The following AGBL4 variants were observed in gnomAD, a reference collection of about 807,000 sequenced individuals.
AGBL4 encodes AGBL carboxypeptidase 4.
In AGBL4, 58 loss-of-function variants were observed where a neutral mutation model predicts 66.4. That is an observed-to-expected ratio of 0.87 (90% CI 0.71 to 1.09). AGBL4 has a LOEUF of 1.09. Ranked by LOEUF, AGBL4 falls within the 50% of genes least tolerant of loss-of-function variation. The pLI is 0.00. For missense variants in AGBL4, 579 were observed against 631.0 expected (o/e 0.92, Z 0.88); for synonymous variants, 234 against 222.9 (o/e 1.05, Z -0.44).
At chr1:49,613,565 AG>A (rs1006297843) in intron 3 of AGBL4, among the ~76,000 whole-genome samples, 2 of 152,194 alleles carry the variant, frequency 1.3e-5, no homozygotes, top group African/African-American at 4.8e-5. Flanking sequence ...AGATTCTCAT[AG>A]GAGTACAAAC....
intron 4 of AGBL4, among the ~76,000 whole-genome samples, chr1:49,122,100 C>A (rs141569869): frequency 1.7e-3 from 261 of 152,332 alleles, no homozygotes; most frequent in Admixed American, 3.5e-3. Context: ...TCCCATTTTT[C>A]CAGGTACACA....
At chr1:48,794,727 G>T (rs566992935) in intron 6 of AGBL4, among the ~76,000 whole-genome samples, 1 of 152,152 alleles carries the variant, frequency 6.6e-6, no homozygotes, top group South Asian at 2.1e-4. Context: ...CCACTTCCTT[G>T]ACCCCCATTT....
chr1:49,969,724 T>C (rs1657890825), intron 1 of AGBL4, among the ~76,000 whole-genome samples: 1 of 152,230 alleles, frequency 6.6e-6, no homozygotes, highest in African/African-American at 2.4e-5. Flanking sequence ...TACACCATTG[T>C]ATGAATATAC....
intron 3 of AGBL4, among the ~76,000 whole-genome samples, chr1:49,250,372 G>A (rs967400557): frequency 6.6e-6 from 1 of 151,918 alleles, no homozygotes; most frequent in Non-Finnish European, 1.5e-5. Context: ...AGAGTGGATG[G>A]AGGAAAGACA....
intron 5 of AGBL4, among the ~76,000 whole-genome samples, chr1:49,032,990 C>A (rs1664352026): frequency 6.6e-6 from 1 of 152,072 alleles, no homozygotes; most frequent in Admixed American, 6.6e-5. Context: ...CCTCCTTTAT[C>A]TAGCAGAGGG....
chr1:48,819,068 A>T (rs1646253136), intron 6 of AGBL4, among the ~76,000 whole-genome samples: 1 of 152,148 alleles, frequency 6.6e-6, no homozygotes, highest in Non-Finnish European at 1.5e-5. Context: ...AAGAAGGACA[A>T]CTCTGCTGCT....
At chr1:50,016,351 C>G (rs1661982566) in intron 1 of AGBL4, among the ~76,000 whole-genome samples, 1 of 152,190 alleles carries the variant, frequency 6.6e-6, no homozygotes, top group African/African-American at 2.4e-5. Flanking sequence ...CACCTAAGGT[C>G]AGGAGTTCCA....
rs571091332 is a variant in AGBL4, at chr1:48,841,276, CAT to C, written c.634+25913_634+25914del. 3.1e-3 allele frequency among the ~76,000 whole-genome samples: 470 copies of C among 152,034 alleles called. 4 individuals are homozygous for C. Among genetic ancestry groups the C allele is most frequent in the Non-Finnish European group, 3.4e-3 (229 of 67,978 alleles). ...TTAACGGTGTGTTAATAAAAAATGA[CAT>C]AAAATAAACAGCTTTCCCATATTGG... On this transcript the variant is annotated intron_variant, in intron 6 of 13. Transcript: ENST00000371839.
At chr1:49,909,140 T>A (rs1650566472) in intron 1 of AGBL4, among the ~76,000 whole-genome samples, 1 of 152,106 alleles carries the variant, frequency 6.6e-6, no homozygotes, top group Non-Finnish European at 1.5e-5. Flanking sequence ...AAAATAACAA[T>A]AATAATAGTA....
intron 3 of AGBL4, among the ~76,000 whole-genome samples, chr1:49,525,166 A>G (rs932219552): frequency 3.9e-5 from 6 of 152,106 alleles, no homozygotes; most frequent in African/African-American, 1.4e-4. Flanking sequence ...GGTGGTGAAC[A>G]ATATAGACAA....
chr1:49,311,805 T>C (rs1181012143), intron 3 of AGBL4, among the ~76,000 whole-genome samples: 3 of 151,490 alleles, frequency 2.0e-5, no homozygotes, highest in Non-Finnish European at 4.4e-5. Context: ...AAAAAAAGAG[T>C]AATAAAGGGA....
At chr1:49,190,768 C>T (rs1647103182) in intron 4 of AGBL4, among the ~76,000 whole-genome samples, 1 of 152,232 alleles carries the variant, frequency 6.6e-6, no homozygotes, top group South Asian at 2.1e-4. Flanking sequence ...CAGGCTCACA[C>T]ATATTATATG....
At chr1:48,615,486 G>T (rs1645303971) in intron 9 of AGBL4, among the ~76,000 whole-genome samples, 2 of 152,284 alleles carry the variant, frequency 1.3e-5, no homozygotes, top group Non-Finnish European at 2.9e-5. Context: ...AAACAGATGT[G>T]ATCTCAGTAT....
intron 3 of AGBL4, among the ~76,000 whole-genome samples, chr1:49,549,961 T>G (rs1444209328): frequency 2.0e-5 from 3 of 152,266 alleles, no homozygotes; most frequent in African/African-American, 7.2e-5. Context: ...ATTTGGGAGC[T>G]CCAGTGTTAG....
intron 6 of AGBL4, among the ~76,000 whole-genome samples, chr1:48,719,414 T>G (rs1350305120): frequency 2.0e-5 from 3 of 152,238 alleles, no homozygotes; most frequent in African/African-American, 7.2e-5. Context: ...ATCTCTCACC[T>G]GAGTTATTCC....
chr1:49,909,503 G>A (rs1163173122), intron 1 of AGBL4, among the ~76,000 whole-genome samples: 1 of 152,150 alleles, frequency 6.6e-6, no homozygotes, highest in Admixed American at 6.5e-5. Context: ...ATCCTGAGGT[G>A]AGAGTGTTCA....
intron 3 of AGBL4, among the ~76,000 whole-genome samples, chr1:49,629,877 G>C (rs1271530570): frequency 6.6e-6 from 1 of 152,090 alleles, no homozygotes; most frequent in African/African-American, 2.4e-5. Flanking sequence ...AAAAGATAGT[G>C]ACTTTTGGGG....
intron 5 of AGBL4, among the ~76,000 whole-genome samples, chr1:49,003,936 T>G (rs1187448455): frequency 6.6e-6 from 1 of 152,174 alleles, no homozygotes; most frequent in Non-Finnish European, 1.5e-5. Flanking sequence ...CAGACATCTA[T>G]CTCTCTAGCT....
intron 1 of AGBL4, among the ~76,000 whole-genome samples, chr1:50,002,438 C>G (rs1214243635): frequency 1.4e-5 from 2 of 138,532 alleles, no homozygotes; most frequent in Admixed American, 1.5e-4. Context: ...GGCGCGATCT[C>G]GGCTCACTGC....
Sources: allele counts gnomAD v4.1 joint callset (sites outside exome capture counted in the v4.1 genomes callset), GRCh38; gene constraint gnomAD v4.1.1; transcripts MANE v1.5; gene names NCBI Gene and HGNC (gene_info 2026-07-23, HGNC 2026-07-21).